The following SLCO3A1 variants were observed in gnomAD, a reference collection of about 807,000 sequenced individuals.
SLCO3A1 encodes PGE1 transporter.
Under a neutral mutation model 63.1 loss-of-function variants are expected in SLCO3A1, and 27 were observed. That is an observed-to-expected ratio of 0.43 (90% CI 0.32 to 0.59). The LOEUF is 0.59. Among genes scored for constraint, SLCO3A1 ranks in the 20% least tolerant of loss-of-function variants. The probability of loss-of-function intolerance (pLI) is 0.09; values close to 1 mark genes in which losing one functional copy is unlikely to be tolerated. For missense variants in SLCO3A1, 773 were observed against 945.8 expected (o/e 0.82, Z 2.40); for synonymous variants, 473 against 409.9 (o/e 1.15, Z -1.86).
At chr15:91,989,326 A>G (rs1057481031) in intron 2 of SLCO3A1, among the ~76,000 whole-genome samples, 9 of 152,144 alleles carry the variant, frequency 5.9e-5, no homozygotes, top group Non-Finnish European at 5.9e-5. Flanking sequence ...TCTGTAACAT[A>G]CATAGTCCCC....
chr15:92,166,575 G>A (rs1249400521), downstream of SLCO3A1, among the ~76,000 whole-genome samples: 1 of 152,072 alleles, frequency 6.6e-6, no homozygotes, highest in Admixed American at 6.5e-5. Context: ...ACTATGGCAG[G>A]GCTTCCCAGC....
At chr15:91,867,559 G>A (rs1897195909) in intron 1 of SLCO3A1, among the ~76,000 whole-genome samples, 1 of 150,886 alleles carries the variant, frequency 6.6e-6, no homozygotes, top group Non-Finnish European at 1.5e-5. Context: ...GGATGTATCA[G>A]TTCTGGATAA....
At chr15:91,963,049 A>T (rs988324880) in intron 2 of SLCO3A1, among the ~76,000 whole-genome samples, 1 of 152,132 alleles carries the variant, frequency 6.6e-6, no homozygotes, top group South Asian at 2.1e-4. Context: ...TACTTAATCT[A>T]AATGGGTCCG....
intron 2 of SLCO3A1, among the ~76,000 whole-genome samples, chr15:91,946,867 T>G (rs1899823960): frequency 1.3e-5 from 2 of 152,300 alleles, no homozygotes; most frequent in South Asian, 4.1e-4. Flanking sequence ...GCAAACATTC[T>G]TCTAGCCAAC....
intron 1 of SLCO3A1, among the ~76,000 whole-genome samples, chr15:91,861,458 C>T (rs1180355892): frequency 2.0e-5 from 3 of 152,088 alleles, no homozygotes; most frequent in Admixed American, 6.5e-5. Context: ...TTAGTAGAAA[C>T]GGTGTTAACA....
At chr15:92,070,642 CTTTT>C (rs57873454) in intron 2 of SLCO3A1, among the ~76,000 whole-genome samples, 1 of 145,324 alleles carries the variant, frequency 6.9e-6, no homozygotes, top group Non-Finnish European at 1.5e-5. Flanking sequence ...ACACTCTAGA[CTTTT>C]TTTTTTTTTT....
At chr15:92,143,839 G>C (rs1455272541) in intron 7 of SLCO3A1, among the ~76,000 whole-genome samples, 1 of 152,110 alleles carries the variant, frequency 6.6e-6, no homozygotes, top group Admixed American at 6.6e-5. Context: ...CTCACTAGAC[G>C]CCCCTGGCAC....
chr15:92,096,721 T>C (rs1567117630), intron 3 of SLCO3A1, among the ~76,000 whole-genome samples: 1 of 152,210 alleles, frequency 6.6e-6, no homozygotes, highest in South Asian at 2.1e-4. Context: ...CCAAGTCGCT[T>C]TGTGATTCAC....
rs1567168784 is a variant in SLCO3A1, at chr15:91,880,170, C to CTATCTATCTATCT, written c.180+26082_180+26083insTATCTATCTATCT. 4.5e-3 allele frequency among the ~76,000 whole-genome samples: 570 copies of CTATCTATCTATCT among 126,190 alleles called. 9 individuals carry two copies. Among genetic ancestry groups the CTATCTATCTATCT allele is most frequent in the African/African-American group, 0.015 (478 of 31,640 alleles). The allele number at this position is 126,190 out of a possible 152,430, so 82.8% of individuals were successfully genotyped here. A position where few individuals can be genotyped will look rare whatever the true frequency, so the allele number is the denominator to read the frequency against. On this transcript the variant is annotated intron_variant, in intron 1 of 9. Coordinates refer to ENST00000318445, the MANE Select transcript of SLCO3A1 (RefSeq NM_013272.4). ...CCATCCATCCATCCATCCATCCATC[C>CTATCTATCTATCT]ATCTATCTATCTATCTATCTATCTA...
At chr15:92,016,443 G>A (rs2046438674) in intron 2 of SLCO3A1, among the ~76,000 whole-genome samples, 1 of 152,108 alleles carries the variant, frequency 6.6e-6, no homozygotes, top group African/African-American at 2.4e-5. Context: ...TTGAGCCACT[G>A]AGCCCAGCCT....
rs113447992 is a variant in SLCO3A1 at position 91,897,193 on chromosome 15, G to A, written c.181-18800G>A. On this transcript the variant is annotated intron_variant, in intron 1 of 9. Transcript: ENST00000318445. This position sits in a 1 kb window ranked among gnomAD's most constrained non-coding sequence, Gnocchi z 4.7. Reference sequence around the variant, plus strand: ...AGACAGGCTGGATGCGGTGGTGCACGCCTGTAATCCCAGTACTTTGAGAGG... The same window carrying A: ...AGACAGGCTGGATGCGGTGGTGCACACCTGTAATCCCAGTACTTTGAGAGG... Among the ~76,000 whole-genome samples, 3,643 of 152,226 alleles carry A rather than the reference G, an allele frequency of 0.024. 138 individuals are homozygous for A. Among genetic ancestry groups the A allele is most frequent in the African/African-American group, 0.084 (3,476 of 41,516 alleles).
In SLCO3A1 at chr15:91,950,155, G is replaced by A. The variant is rs1464122842; in HGVS notation, c.646+33697G>A. Among the ~76,000 whole-genome samples the A allele has an allele frequency of 6.6e-6, 1 of 152,242 alleles. No individual in the cohort carries two copies. The highest frequency in any genetic ancestry group is 1.5e-5 in the Non-Finnish European group (1 of 68,042). On this transcript the variant is annotated intron_variant, in intron 2 of 9. Coordinates refer to ENST00000318445, the MANE Select transcript of SLCO3A1 (RefSeq NM_013272.4). This position sits in a 1 kb window ranked among gnomAD's most constrained non-coding sequence, Gnocchi z 4.4. The stretch of plus-strand genomic sequence containing the variant: ...GCAGATTGAAGCTGCCCCTGGGGAA[G>A]AAAGTTGTAACAGGCAGAGGAAGCA...
At position 91,872,225 on chromosome 15, in the gene SLCO3A1, C is replaced by T. The variant is rs1467449457; in HGVS notation, c.180+18137C>T. Among the ~76,000 whole-genome samples the T allele has an allele frequency of 3.9e-5, 6 of 152,164 alleles. No homozygotes were observed. Among genetic ancestry groups the T allele is most frequent in the Non-Finnish European group, 4.4e-5 (3 of 68,038 alleles). On this transcript the variant is annotated intron_variant, in intron 1 of 9. Transcript: ENST00000318445. This position sits in a 1 kb window ranked among gnomAD's most constrained non-coding sequence, Gnocchi z 4.1. ...CTTTTCCGTATAAGGAAATAGGGCT[C>T]ACTTCTAGAAGTTAAAGAATGTGCT...
At chr15:92,056,512 C>T (rs1047018016) in intron 2 of SLCO3A1, among the ~76,000 whole-genome samples, 17 of 152,192 alleles carry the variant, frequency 1.1e-4, no homozygotes, top group Non-Finnish European at 4.4e-5. Flanking sequence ...ACTGGAAATT[C>T]TAAGTTGATC....
downstream of SLCO3A1, among the ~76,000 whole-genome samples, chr15:92,168,629 C>A (rs1194929668): frequency 6.6e-6 from 1 of 152,190 alleles, no homozygotes; most frequent in African/African-American, 2.4e-5. Context: ...CAGATCCCAG[C>A]ACCTAAGACT....
intron 1 of SLCO3A1, among the ~76,000 whole-genome samples, chr15:91,913,340 T>G (rs1041079274): frequency 6.6e-6 from 1 of 152,166 alleles, no homozygotes; most frequent in Non-Finnish European, 1.5e-5. Flanking sequence ...CAATAATGGG[T>G]GTCATGGCCT....
rs901407547 is a variant in SLCO3A1, at chr15:91,950,554, C to T, written c.646+34096C>T. ...ATCCTTTGTTTTTTTGCTGCAGGCT[C>T]CATAATGTCATCCGGTCTTTCTAGC... On this transcript the variant is annotated intron_variant, in intron 2 of 9. Coordinates refer to ENST00000318445, the MANE Select transcript of SLCO3A1 (RefSeq NM_013272.4). This position sits in a 1 kb window ranked among gnomAD's most constrained non-coding sequence, Gnocchi z 4.4. 6.6e-6 allele frequency among the ~76,000 whole-genome samples: 1 copy of T among 152,234 alleles called. No individual in the cohort carries two copies. Among genetic ancestry groups the T allele is most frequent in the Non-Finnish European group, 1.5e-5 (1 of 68,046 alleles).
intron 7 of SLCO3A1, among the ~76,000 whole-genome samples, chr15:92,134,486 C>T (rs987898923): frequency 6.6e-6 from 1 of 152,192 alleles, no homozygotes; most frequent in Non-Finnish European, 1.5e-5. Flanking sequence ...CCCAAAGCAA[C>T]ACCTAACCTT....
intron 2 of SLCO3A1, among the ~76,000 whole-genome samples, chr15:92,020,508 G>A (rs914991393): frequency 3.3e-5 from 5 of 152,218 alleles, no homozygotes; most frequent in African/African-American, 1.2e-4. Context: ...AACTAGCATT[G>A]AAAATCAATC....
Sources: gnomAD v4.1 joint callset for allele counts (sites outside exome capture counted in the v4.1 genomes callset) on GRCh38, gnomAD v4.1.1 for gene constraint, Gnocchi (gnomAD v3.1) non-coding constraint, MANE v1.5 for transcripts, NCBI Gene and HGNC (gene_info 2026-07-23, HGNC 2026-07-21) for gene names.